Variants in ZNF141 observed in about 807,000 individuals in gnomAD.
ZNF141 encodes the protein zinc finger protein 141 (clone pHZ-44).
In ZNF141, 7 loss-of-function variants were observed where a neutral mutation model predicts 11.3. The ratio of observed to expected loss-of-function variants is 0.62; its 90% confidence interval spans 0.35 to 1.16. ZNF141 has a LOEUF of 1.16. ZNF141 is among the 50% of genes most tolerant of loss of function. The pLI is 0.02. For missense variants in ZNF141, 535 were observed against 554.0 expected (o/e 0.97, Z 0.34); for synonymous variants, 183 against 190.7 (o/e 0.96, Z 0.33).
chr4:362,953 A>G (rs1711560344), intron 3 of ZNF141, among the ~76,000 whole-genome samples: 1 of 152,214 alleles, frequency 6.6e-6, no homozygotes, highest in African/African-American at 2.4e-5. Flanking sequence ...CATTGAATCT[A>G]TAAATTACCT....
rs1553855506 is a variant in ZNF141 at position 380,995 on chromosome 4, GCTTTC to G, written c.*7139_*7143del. Among the ~76,000 whole-genome samples, 1 of 152,132 alleles carries G rather than the reference GCTTTC, an allele frequency of 6.6e-6. No homozygotes were observed. Among genetic ancestry groups the G allele is most frequent in the Non-Finnish European group, 1.5e-5 (1 of 68,024 alleles). ...TTCGATACTGACGTACTTGGGAACAGCTTTCCTTTCAACTGTCCTTCACCACCCCT... is the reference window on the plus strand; with the variant it reads ...TTCGATACTGACGTACTTGGGAACAGCTTTCAACTGTCCTTCACCACCCCT... On this transcript the variant is annotated 3_prime_UTR_variant, in exon 4 of 4. Transcript: ENST00000240499.
chr4:338,531 G>C (rs906202819), intron 1 of ZNF141: 9 of 157,752 alleles, frequency 5.7e-5, no homozygotes, highest in Admixed American at 5.0e-4. Flanking sequence ...TCCTTGCCCT[G>C]TGCGCCTCCT....
Position 383,608 on chromosome 4 carries a change from T to C in ZNF141, c.*9746T>C, listed in dbSNP as rs1283295820. 2 of 155,482 alleles carry C rather than the reference T, an allele frequency of 1.3e-5. No individual in the cohort carries two copies. The highest frequency in any genetic ancestry group is 4.8e-5 in the African/African-American group (2 of 41,540). 9.6% of individuals were successfully genotyped at this position (155,482 alleles called of 1,614,324 possible). A position where few individuals can be genotyped will look rare whatever the true frequency, so the allele number is the denominator to read the frequency against. Reference sequence around the variant, plus strand: ...GCAGGGAACCTAAAGCCAGTTAACGTGAACTTCCTACATCTAAACCAAAAG... The same window carrying C: ...GCAGGGAACCTAAAGCCAGTTAACGCGAACTTCCTACATCTAAACCAAAAG... On this transcript the variant is annotated 3_prime_UTR_variant, in exon 4 of 4. Coordinates refer to ENST00000240499, the MANE Select transcript of ZNF141 (RefSeq NM_003441.4).
rs192295342 is a variant in ZNF141 at position 377,393 on chromosome 4, G to A, written c.*3531G>A. ...CATTAATTGTGCATGTGGAGAGGAC[G>A]TCTGTTCTCAGGCTGCAGAACCAAC... is the stretch of plus-strand genomic sequence containing the variant. On this transcript the variant is annotated 3_prime_UTR_variant, in exon 4 of 4. Transcript: ENST00000240499. Among the ~76,000 whole-genome samples, 81 of 152,352 alleles carry A rather than the reference G, an allele frequency of 5.3e-4. No homozygotes were observed. Among genetic ancestry groups the A allele is most frequent in the African/African-American group, 1.8e-3 (75 of 41,566 alleles).
chr4:347,588 C>T (rs1721396390), intron 3 of ZNF141, among the ~76,000 whole-genome samples: 1 of 151,910 alleles, frequency 6.6e-6, no homozygotes, highest in South Asian at 2.1e-4. Context: ...ATCCGCCTGC[C>T]TCGGCCTCCC....
chr4:384,191 A>G lies in ZNF141; in HGVS notation c.*10329A>G, dbSNP rs1361228167. 6.6e-6 allele frequency: 1 copy of G among 152,252 alleles called. No homozygotes were observed. Among genetic ancestry groups the G allele is most frequent in the Non-Finnish European group, 1.5e-5 (1 of 68,060 alleles). The allele number at this position is 152,252 out of a possible 1,614,324, so 9.4% of individuals were successfully genotyped here. ...CAATTAGGTCCAAAGATAAATAGCA[A>G]AACAAGAAGTTTGCCTTTAATCTAT... On this transcript the variant is annotated 3_prime_UTR_variant, in exon 4 of 4. Coordinates refer to ENST00000240499, the MANE Select transcript of ZNF141 (RefSeq NM_003441.4).
At chr4:363,374 C>G (rs1711577414) in intron 3 of ZNF141, among the ~76,000 whole-genome samples, 1 of 152,110 alleles carries the variant, frequency 6.6e-6, no homozygotes, top group South Asian at 2.1e-4. Flanking sequence ...TTCTTTTCTC[C>G]TGCATGATTG....
At chr4:366,521 C>T (rs1289788022) in intron 3 of ZNF141, among the ~76,000 whole-genome samples, 1 of 152,106 alleles carries the variant, frequency 6.6e-6, no homozygotes, top group African/African-American at 2.4e-5. Context: ...TCAGGCTGCT[C>T]TCGAACTACT....
At chr4:356,271 A>G (rs571397374) in intron 3 of ZNF141, among the ~76,000 whole-genome samples, 2 of 151,886 alleles carry the variant, frequency 1.3e-5, no homozygotes, top group Admixed American at 1.3e-4. Context: ...ATCCTTTCAT[A>G]AAAGTAGAGC....
intron 3 of ZNF141, among the ~76,000 whole-genome samples, chr4:354,080 A>G (rs545474303): frequency 1.1e-4 from 17 of 152,260 alleles, no homozygotes; most frequent in South Asian, 2.1e-4. Context: ...TTGAATCTGC[A>G]CCAGTAACCT....
chr4:353,715 G>A (rs1264461353), intron 3 of ZNF141, among the ~76,000 whole-genome samples: 3 of 151,990 alleles, frequency 2.0e-5, no homozygotes, highest in Non-Finnish European at 4.4e-5. Flanking sequence ...CTCCACCTTG[G>A]CCTCCCAAAA....
At chr4:369,739 TATATA>T (rs1553853299) in intron 3 of ZNF141, among the ~76,000 whole-genome samples, 51 of 27,492 alleles carry the variant, frequency 1.9e-3, no homozygotes, top group Non-Finnish European at 3.2e-3. Context: ...CTTAAAGAGA[TATATA>T]TATATATATA....
chr4:341,351 G>A (rs1323557248), intron 1 of ZNF141, among the ~76,000 whole-genome samples: 9 of 152,126 alleles, frequency 5.9e-5, no homozygotes, highest in Non-Finnish European at 1.3e-4. Context: ...GTGAGCCACC[G>A]TGCCCAGCCT....
At position 381,221 on chromosome 4, in the gene ZNF141, T is replaced by G. The variant is rs1051514299; in HGVS notation, c.*7359T>G. On this transcript the variant is annotated 3_prime_UTR_variant, in exon 4 of 4. Coordinates refer to ENST00000240499, the MANE Select transcript of ZNF141 (RefSeq NM_003441.4). Reference sequence around the variant, plus strand: ...TTTCCTTTGTGCCTGTTTCTCAGTTTTGCCTAAATGCTACCAATTATCTTA... The same window carrying G: ...TTTCCTTTGTGCCTGTTTCTCAGTTGTGCCTAAATGCTACCAATTATCTTA... 3.9e-5 allele frequency among the ~76,000 whole-genome samples: 6 copies of G among 152,138 alleles called. No individual in the cohort carries two copies. The highest frequency in any genetic ancestry group is 1.2e-4 in the African/African-American group (5 of 41,426).
Position 376,108 on chromosome 4 carries a change from G to A in ZNF141, c.*2246G>A, listed in dbSNP as rs375510751. Among the ~76,000 whole-genome samples, 6 of 151,892 alleles carry A rather than the reference G, an allele frequency of 4.0e-5. No homozygotes were observed. Among genetic ancestry groups the A allele is most frequent in the Admixed American group, 6.5e-5 (1 of 15,272 alleles). ...TTTTTAACTAAACAAAATTTTTAACGTGTTGAAATAATTGTTGCTTGAATG... is the reference window on the plus strand; with the variant it reads ...TTTTTAACTAAACAAAATTTTTAACATGTTGAAATAATTGTTGCTTGAATG... On this transcript the variant is annotated 3_prime_UTR_variant, in exon 4 of 4. Coordinates refer to ENST00000240499, the MANE Select transcript of ZNF141 (RefSeq NM_003441.4).
intron 3 of ZNF141, among the ~76,000 whole-genome samples, chr4:347,995 C>T (rs1325445583): frequency 6.6e-6 from 1 of 151,880 alleles, no homozygotes; most frequent in African/African-American, 2.4e-5. Flanking sequence ...CAGGCACGTG[C>T]CACCATGCCC....
In ZNF141 at chr4:378,569, G is replaced by T. The variant is rs1261260392; in HGVS notation, c.*4707G>T. 6.6e-6 allele frequency among the ~76,000 whole-genome samples: 1 copy of T among 152,048 alleles called. No homozygotes were observed. Among genetic ancestry groups the T allele is most frequent in the Admixed American group, 6.6e-5 (1 of 15,234 alleles). On this transcript the variant is annotated 3_prime_UTR_variant, in exon 4 of 4. Coordinates refer to ENST00000240499, the MANE Select transcript of ZNF141 (RefSeq NM_003441.4). ...AGGCATGAGCCACCGTGCCTGGCCA[G>T]AATATTATATCTTTGAGTGTGAATG...
intron 3 of ZNF141, among the ~76,000 whole-genome samples, chr4:349,234 G>A (rs1444681578): frequency 2.0e-5 from 3 of 150,662 alleles, no homozygotes; most frequent in African/African-American, 7.3e-5. Flanking sequence ...AGGAGTTTGA[G>A]ATAAGCCTGG....
chr4:372,618 T>C, intron 3 of ZNF141, 46 bp from the exon 4 acceptor site: 1 of 1,408,086 alleles, frequency 7.1e-7, no homozygotes, highest in South Asian at 1.6e-5. Flanking sequence ...AGTATATTTA[T>C]ATGAATCTAC....
Sources: gnomAD v4.1 joint callset for allele counts (sites outside exome capture counted in the v4.1 genomes callset) on GRCh38, gnomAD v4.1.1 for gene constraint, MANE v1.5 for transcripts, NCBI Gene and HGNC (gene_info 2026-07-23, HGNC 2026-07-21) for gene names.